Variants in PIEZO2 observed in about 807,000 individuals in gnomAD.
The protein encoded by PIEZO2 is piezo type mechanosensitive ion channel component 2.
In PIEZO2, 172 loss-of-function variants were observed where a neutral mutation model predicts 337.3. The observed-to-expected ratio is 0.51, with a 90% CI of 0.45 to 0.58. PIEZO2 has a LOEUF of 0.58. Ranked by LOEUF, PIEZO2 falls within the 20% of genes least tolerant of loss-of-function variation. PIEZO2 has a pLI of 0.00. For missense variants in PIEZO2, 3,028 were observed against 3,391.3 expected, an observed-to-expected ratio of 0.89 and a Z score of 2.66; for synonymous variants, 1,251 against 1,228.5, an observed-to-expected ratio of 1.02 and a Z score of -0.38.
At position 10,688,833 on chromosome 18, in the gene PIEZO2, G is replaced by A. The variant is rs534363328; in HGVS notation, c.7497+822C>T. Among the ~76,000 whole-genome samples the A allele has an allele frequency of 6.6e-5, 10 of 152,140 alleles. No individual in the cohort carries two copies. The South Asian group carries it at 1.2e-3, about 19-fold the overall frequency. Reference sequence around the variant, plus strand: ...CCCTCAATGTTCCTTCGATAGAGAGGCTCTCATATTCTGGCATCCTGTCAA... The same window carrying A: ...CCCTCAATGTTCCTTCGATAGAGAGACTCTCATATTCTGGCATCCTGTCAA... On this transcript the variant is annotated intron_variant, in intron 49 of 55. Coordinates refer to ENST00000674853, the MANE Select transcript of PIEZO2 (RefSeq NM_001378183.1).
At chr18:10,858,331 A>AC (rs1380678016) in intron 5 of PIEZO2, among the ~76,000 whole-genome samples, 17 of 141,764 alleles carry the variant, frequency 1.2e-4, no homozygotes, top group Non-Finnish European at 2.3e-4. Flanking sequence ...CAAAAAAAAA[A>AC]AAAAAAAAAA....
In PIEZO2 at chr18:11,125,911, C is replaced by T. The variant is rs562425929; in HGVS notation, c.64+22614G>A. Among the ~76,000 whole-genome samples the T allele has an allele frequency of 1.4e-4, 22 of 152,356 alleles. No homozygotes were observed. Among genetic ancestry groups the T allele is most frequent in the African/African-American group, 5.0e-4 (21 of 41,588 alleles). ...CCTGCTAACTTGAGGGCTGCCAGGGCAGCTCTAGTGCCCAACGGTAGAGGA... is the reference window on the plus strand; with the variant it reads ...CCTGCTAACTTGAGGGCTGCCAGGGTAGCTCTAGTGCCCAACGGTAGAGGA... On this transcript the variant is annotated intron_variant, in intron 1 of 55. Transcript: ENST00000674853. This position sits in a 1 kb window ranked among gnomAD's most constrained non-coding sequence, Gnocchi z 4.4.
intron 2 of PIEZO2, among the ~76,000 whole-genome samples, chr18:11,059,989 T>C (rs1223799590): frequency 1.3e-5 from 2 of 152,134 alleles, no homozygotes; most frequent in South Asian, 2.1e-4. Context: ...TATTCCAAAA[T>C]TGACCACATA....
Position 10,767,105 on chromosome 18 carries a change from T to C in PIEZO2, c.2946+3043A>G, listed in dbSNP as rs1005774999. 6.7e-6 allele frequency among the ~76,000 whole-genome samples: 1 copy of C among 149,082 alleles called. No homozygotes were observed. Among genetic ancestry groups the C allele is most frequent in the African/African-American group, 2.5e-5 (1 of 40,436 alleles). ...AGAAAGTGTGGCTCTTGCTCAAGAC[T>C]CACTGACCTCACAGAGCTGTCCAAT... On this transcript the variant is annotated intron_variant, in intron 21 of 55. Transcript: ENST00000674853. This position sits in a 1 kb window ranked among gnomAD's most constrained non-coding sequence, Gnocchi z 4.2.
chr18:11,021,520 T>C lies in PIEZO2; in HGVS notation c.161-41860A>G, dbSNP rs1220238407. 1.3e-5 allele frequency among the ~76,000 whole-genome samples: 2 copies of C among 152,194 alleles called. No homozygotes were observed. The highest frequency in any genetic ancestry group is 4.8e-5 in the African/African-American group (2 of 41,450). ...TTGAGTTGAGTTTCTGAGCAGACTCTCCTGCTTCAGCCGCCAATGGCGTTT... is the reference window on the plus strand; with the variant it reads ...TTGAGTTGAGTTTCTGAGCAGACTCCCCTGCTTCAGCCGCCAATGGCGTTT... On this transcript the variant is annotated intron_variant, in intron 2 of 55. Transcript: ENST00000674853. The surrounding 1 kb of genome is among the most constrained non-coding windows in gnomAD (Gnocchi z 4.7).
chr18:10,733,448 ATT>A (rs34583213), intron 35 of PIEZO2, among the ~76,000 whole-genome samples: 127 of 128,244 alleles, frequency 9.9e-4, no homozygotes, highest in African/African-American at 1.4e-3. Context: ...AAACTTCCCA[ATT>A]TTTTTTTTTT....
intron 2 of PIEZO2, among the ~76,000 whole-genome samples, chr18:11,012,076 A>G (rs934845597): frequency 1.3e-5 from 2 of 152,372 alleles, no homozygotes; most frequent in South Asian, 4.1e-4. Flanking sequence ...AAAGCGAAAA[A>G]AAAAGTTTTA....
At chr18:11,139,107 T>C (rs1333664160) in intron 1 of PIEZO2, among the ~76,000 whole-genome samples, 1 of 152,240 alleles carries the variant, frequency 6.6e-6, no homozygotes, top group South Asian at 2.1e-4. Context: ...ATTTACCGTA[T>C]GTCGGGCACT....
Position 10,915,498 on chromosome 18 carries a change from G to A in PIEZO2, c.287-4270C>T, listed in dbSNP as rs369682518. 4.6e-5 allele frequency among the ~76,000 whole-genome samples: 7 copies of A among 152,152 alleles called. No homozygotes were observed. In the East Asian group the frequency reaches 5.8e-4, roughly 13 times the overall value. On this transcript the variant is annotated intron_variant, in intron 3 of 55. Coordinates refer to ENST00000674853, the MANE Select transcript of PIEZO2 (RefSeq NM_001378183.1). ...AAATTTTAGGTAGTAAGGAAAGCAA[G>A]TTTAACAATTTCTAGCCATCTTTAG...
chr18:11,019,360 T>C (rs56026936), intron 2 of PIEZO2, among the ~76,000 whole-genome samples: 1,823 of 152,338 alleles, frequency 0.012, 12 homozygotes, highest in Non-Finnish European at 0.017. Context: ...CCAGGCTGCC[T>C]ACCTTTCCAA....
intron 30 of PIEZO2, among the ~76,000 whole-genome samples, chr18:10,745,031 A>C (rs892120945): frequency 2.0e-5 from 3 of 151,660 alleles, no homozygotes; most frequent in Non-Finnish European, 2.9e-5. Context: ...GCTTTTCTCA[A>C]GTCTTGAAGT....
chr18:10,873,878 CTG>C (rs1227327964), intron 4 of PIEZO2, among the ~76,000 whole-genome samples: 2 of 152,094 alleles, frequency 1.3e-5, no homozygotes, highest in Admixed American at 1.3e-4. Context: ...GAAAAAAACA[CTG>C]TGGAAACATT....
chr18:10,817,767 C>CA (rs1162445445), intron 7 of PIEZO2, among the ~76,000 whole-genome samples: 7 of 151,750 alleles, frequency 4.6e-5, no homozygotes, highest in African/African-American at 1.7e-4. Context: ...ACTAAAAATA[C>CA]AAAAAATTAG....
intron 27 of PIEZO2, among the ~76,000 whole-genome samples, chr18:10,757,674 G>C (rs1353679355): frequency 4.6e-5 from 7 of 151,736 alleles, no homozygotes; most frequent in Admixed American, 4.6e-4. Context: ...GAGATGAGCA[G>C]GAGGACCCTC....
At chr18:10,925,832 T>G (rs951315575) in intron 3 of PIEZO2, among the ~76,000 whole-genome samples, 1 of 152,188 alleles carries the variant, frequency 6.6e-6, no homozygotes, top group African/African-American at 2.4e-5. Flanking sequence ...CCTCCCAAAG[T>G]GCTGGGATTA....
chr18:10,726,244 T>C lies in PIEZO2; in HGVS notation c.5029+5163A>G. 1.3e-6 allele frequency: 1 copy of C among 744,620 alleles called. No homozygotes were observed. Among genetic ancestry groups the C allele is most frequent in the Non-Finnish European group, 2.3e-6 (1 of 427,494 alleles). 46.1% of individuals were successfully genotyped at this position (744,620 alleles called of 1,614,324 possible). ...CACGCTGCCTGGGGCTGGAAGAGCT[T>C]GTGTGCGAGCCTGTGTTCGGGAGCA... On this transcript the variant is annotated intron_variant, in intron 36 of 55. Transcript: ENST00000674853. This position sits in a 1 kb window ranked among gnomAD's most constrained non-coding sequence, Gnocchi z 5.9.
intron 7 of PIEZO2, among the ~76,000 whole-genome samples, chr18:10,827,552 C>T (rs1189853): frequency 0.17 from 26,290 of 151,978 alleles, 2,791 homozygotes; most frequent in African/African-American, 0.3. Context: ...TATCATCTCC[C>T]CTCCTGAAGC....
At chr18:10,963,418 G>A (rs264199) in intron 3 of PIEZO2, among the ~76,000 whole-genome samples, 78,064 of 152,024 alleles carry the variant, frequency 0.51, 20,377 homozygotes, top group African/African-American at 0.58. Flanking sequence ...ACAATAGAAA[G>A]GTCTCACCAA....
chr18:10,917,583 A>G (rs2031079281), intron 3 of PIEZO2, among the ~76,000 whole-genome samples: 1 of 152,166 alleles, frequency 6.6e-6, no homozygotes, highest in Admixed American at 6.5e-5. Context: ...TAGTGGTAAA[A>G]CTGGTGGTCA....
Sources: allele counts gnomAD v4.1 joint callset (sites outside exome capture counted in the v4.1 genomes callset), GRCh38; gene constraint gnomAD v4.1.1; non-coding constraint Gnocchi (gnomAD v3.1); transcripts MANE v1.5; gene names NCBI Gene and HGNC (gene_info 2026-07-23, HGNC 2026-07-21).